ZFPM2: variants seen among roughly 807,000 people sequenced by gnomAD.
The protein encoded by ZFPM2 is zinc finger protein ZFPM2.
Under a neutral mutation model 98.6 loss-of-function variants are expected in ZFPM2, and 20 were observed. The ratio of observed to expected loss-of-function variants is 0.20; its 90% confidence interval spans 0.14 to 0.29. The LOEUF is 0.29. Ranked by LOEUF, ZFPM2 falls within the 10% of genes least tolerant of loss-of-function variation. ZFPM2 has a pLI of 1.00. For missense variants in ZFPM2, 1,310 were observed against 1,388.6 expected, an observed-to-expected ratio of 0.94 and a Z score of 0.90; for synonymous variants, 518 against 502.7, an observed-to-expected ratio of 1.03 and a Z score of -0.41.
Position 105,490,723 on chromosome 8 carries a change from G to A in ZFPM2, c.301+46342G>A, listed in dbSNP as rs570338412. Among the ~76,000 whole-genome samples the A allele has an allele frequency of 2.6e-5, 4 of 152,278 alleles. No homozygotes were observed. The East Asian group carries it at 7.7e-4, about 29-fold the overall frequency. On this transcript the variant is annotated intron_variant, in intron 3 of 7. Transcript: ENST00000407775. ...TATATGTTTAAATTGTAAGTAGGAA[G>A]TATAGAGCCAGGCCCATGGACATGG... is the stretch of plus-strand genomic sequence containing the variant.
intron 2 of ZFPM2, among the ~76,000 whole-genome samples, chr8:105,435,916 A>C (rs1376492596): frequency 6.6e-6 from 1 of 152,230 alleles, no homozygotes; most frequent in Non-Finnish European, 1.5e-5. Context: ...TCAAAACATT[A>C]CCATAAAAAT....
intron 5 of ZFPM2, among the ~76,000 whole-genome samples, chr8:105,750,022 GT>G (rs1402327533): frequency 3.9e-5 from 6 of 151,978 alleles, no homozygotes; most frequent in Non-Finnish European, 7.4e-5. Flanking sequence ...CGAAAAAATT[GT>G]ATTTGATAAT....
intron 5 of ZFPM2, among the ~76,000 whole-genome samples, chr8:105,655,682 C>T (rs1817271996): frequency 6.6e-6 from 1 of 152,176 alleles, no homozygotes; most frequent in Non-Finnish European, 1.5e-5. Context: ...TCTACCATAA[C>T]AACATGTTAA....
chr8:105,561,351 C>G lies in ZFPM2; in HGVS notation c.302-12C>G, dbSNP rs1203099093. On this transcript the variant is annotated splice_polypyrimidine_tract_variant and intron_variant, in intron 3 of 7. Coordinates refer to ENST00000407775, the MANE Select transcript of ZFPM2 (RefSeq NM_012082.4). ...GTAAGTATTCTAAACACTTCTGTTC[C>G]TTTGTCTGCAGGAGAGCTGGAGGTG... is the stretch of plus-strand genomic sequence containing the variant. 1 of 1,609,534 alleles carries G rather than the reference C, an allele frequency of 6.2e-7. No individual in the cohort carries two copies. The highest frequency in any genetic ancestry group is 8.5e-7 in the Non-Finnish European group (1 of 1,176,378).
At chr8:105,465,905 A>G (rs889128038) in intron 3 of ZFPM2, among the ~76,000 whole-genome samples, 1 of 152,030 alleles carries the variant, frequency 6.6e-6, no homozygotes, top group African/African-American at 2.4e-5. Context: ...GAAAATTTGG[A>G]TAGACAAAAT....
chr8:105,608,752 G>A (rs1342396274), intron 4 of ZFPM2, among the ~76,000 whole-genome samples: 4 of 152,016 alleles, frequency 2.6e-5, no homozygotes, highest in South Asian at 2.1e-4. Context: ...TTAAAGGAAC[G>A]CAAGGATATG....
intron 4 of ZFPM2, among the ~76,000 whole-genome samples, chr8:105,570,353 A>T (rs1353836756): frequency 6.6e-6 from 1 of 151,566 alleles, no homozygotes; most frequent in South Asian, 2.1e-4. Context: ...TTACTCAGGG[A>T]AAGAGGAGAA....
chr8:105,502,413 C>G (rs539481327), intron 3 of ZFPM2, among the ~76,000 whole-genome samples: 7 of 152,004 alleles, frequency 4.6e-5, no homozygotes, highest in African/African-American at 1.7e-4. Flanking sequence ...CTAATTAATA[C>G]ATGGGAGAAC....
chr8:105,417,272 T>C (rs1452004854), intron 1 of ZFPM2, among the ~76,000 whole-genome samples: 3 of 152,224 alleles, frequency 2.0e-5, no homozygotes, highest in Non-Finnish European at 2.9e-5. Flanking sequence ...ATAGTCATAA[T>C]TCTCATACTT....
At chr8:105,566,210 C>T (rs1269646254) in intron 4 of ZFPM2, among the ~76,000 whole-genome samples, 7 of 152,112 alleles carry the variant, frequency 4.6e-5, no homozygotes, top group South Asian at 2.1e-4. Context: ...TCACAGGCTC[C>T]GAAGGTCTGC....
intron 4 of ZFPM2, among the ~76,000 whole-genome samples, chr8:105,600,648 A>AT (rs889815502): frequency 3.3e-5 from 5 of 152,020 alleles, no homozygotes; most frequent in East Asian, 1.9e-4. Context: ...CTCATTTTTT[A>AT]TTTTTTTAAA....
intron 3 of ZFPM2, among the ~76,000 whole-genome samples, chr8:105,555,445 A>G (rs772782663): frequency 6.6e-6 from 1 of 152,082 alleles, no homozygotes; most frequent in Non-Finnish European, 1.5e-5. Context: ...ACATATTAAG[A>G]CAACTCTCTT....
intron 3 of ZFPM2, among the ~76,000 whole-genome samples, chr8:105,525,971 G>A (rs540716928): frequency 8.5e-5 from 13 of 152,158 alleles, no homozygotes; most frequent in Non-Finnish European, 1.8e-4. Context: ...TCAAATAAGT[G>A]TTTGTGAAAT....
chr8:105,693,687 CAT>C (rs1160049650), intron 5 of ZFPM2, among the ~76,000 whole-genome samples: 2 of 152,064 alleles, frequency 1.3e-5, no homozygotes, highest in Non-Finnish European at 2.9e-5. Flanking sequence ...ACAGCTGTAA[CAT>C]GTGCTTCTTG....
chr8:105,606,505 G>T (rs7015025), intron 4 of ZFPM2, among the ~76,000 whole-genome samples: 1 of 151,726 alleles, frequency 6.6e-6, no homozygotes, highest in South Asian at 2.1e-4. Context: ...CAATTGGCTG[G>T]TCTGTGGGAG....
intron 5 of ZFPM2, among the ~76,000 whole-genome samples, chr8:105,702,431 TAGTAAC>T (rs1399164150): frequency 2.0e-5 from 3 of 152,208 alleles, no homozygotes; most frequent in African/African-American, 7.2e-5. Context: ...AATGGGGTGA[TAGTAAC>T]AGTGTTAATG....
chr8:105,695,230 T>A (rs965690571), intron 5 of ZFPM2, among the ~76,000 whole-genome samples: 1 of 152,130 alleles, frequency 6.6e-6, no homozygotes, highest in African/African-American at 2.4e-5. Context: ...ATATATTAGA[T>A]CAAATTACTC....
chr8:105,745,682 C>T (rs1812326331), intron 5 of ZFPM2, among the ~76,000 whole-genome samples: 1 of 151,962 alleles, frequency 6.6e-6, no homozygotes. Context: ...TTTGTTCATC[C>T]CAGTTGTGAT....
At chr8:105,498,640 C>T (rs946933998) in intron 3 of ZFPM2, among the ~76,000 whole-genome samples, 11 of 152,212 alleles carry the variant, frequency 7.2e-5, no homozygotes, top group East Asian at 5.8e-4. Context: ...GCAAAATAGC[C>T]GTAACTTGAG....
Sources: gnomAD v4.1 joint callset for allele counts (sites outside exome capture counted in the v4.1 genomes callset) on GRCh38, gnomAD v4.1.1 for gene constraint, MANE v1.5 for transcripts, NCBI Gene and HGNC (gene_info 2026-07-23, HGNC 2026-07-21) for gene names.